The following NAV3 variants were observed in gnomAD, a reference collection of about 807,000 sequenced individuals.
The protein encoded by NAV3 is neuron navigator 3.
NAV3 carries 87 observed loss-of-function variants against 244.7 expected under a neutral mutation model. That is an observed-to-expected ratio of 0.36 (90% CI 0.30 to 0.42). NAV3 has a LOEUF of 0.42. Among genes scored for constraint, NAV3 ranks in the 20% least tolerant of loss-of-function variants. The pLI is 1.00. For synonymous variants in NAV3, 1,126 were observed against 1,042.2 expected, an observed-to-expected ratio of 1.08 and a Z score of -1.55; for missense variants, 2,663 against 2,893.3, an observed-to-expected ratio of 0.92 and a Z score of 1.83.
intron 2 of NAV3, among the ~76,000 whole-genome samples, chr12:77,712,732 C>A (rs2137257947): frequency 6.6e-6 from 1 of 152,276 alleles, no homozygotes; most frequent in African/African-American, 2.4e-5. Flanking sequence ...CCAACAAATT[C>A]ACTTCTCTCA....
At chr12:77,735,133 GTATT>G (rs1327069670) in intron 2 of NAV3, among the ~76,000 whole-genome samples, 1 of 152,148 alleles carries the variant, frequency 6.6e-6, no homozygotes, top group South Asian at 2.1e-4. Context: ...ATAATTGTAA[GTATT>G]TATGTACAGT....
intron 2 of NAV3, among the ~76,000 whole-genome samples, chr12:77,628,142 A>G (rs1478249465): frequency 3.9e-5 from 6 of 152,346 alleles, no homozygotes; most frequent in East Asian, 3.9e-4. Context: ...CAAAATAGCT[A>G]GAAGACTTAC....
chr12:78,088,319 T>C (rs1953741759), intron 12 of NAV3, among the ~76,000 whole-genome samples: 1 of 152,080 alleles, frequency 6.6e-6, no homozygotes. Context: ...CATTCAATTA[T>C]TGTCTTTTCC....
intron 2 of NAV3, among the ~76,000 whole-genome samples, chr12:77,631,896 T>A (rs1385287771): frequency 2.0e-5 from 3 of 152,200 alleles, no homozygotes; most frequent in Non-Finnish European, 4.4e-5. Flanking sequence ...ATGTACTGTT[T>A]GCCTAAATAA....
rs745433658 is a variant in NAV3 at position 78,049,985 on chromosome 12, T to C, written c.2024-8T>C. On this transcript the variant is annotated splice_region_variant and splice_polypyrimidine_tract_variant and intron_variant, in intron 9 of 39. Coordinates refer to ENST00000397909, the MANE Select transcript of NAV3 (RefSeq NM_001024383.2). The stretch of plus-strand genomic sequence containing the variant: ...ATGAATAGCAAATTTATCATATTGC[T>C]TTCCTAGGTGAAGACCCTGAAACAA... 2.6e-5 allele frequency: 42 copies of C among 1,591,338 alleles called. No homozygotes were observed. The highest frequency in any genetic ancestry group is 1.3e-5 in the Non-Finnish European group (15 of 1,169,776).
intron 2 of NAV3, among the ~76,000 whole-genome samples, chr12:77,806,009 GGTA>G (rs778735175): frequency 1.3e-5 from 2 of 151,978 alleles, no homozygotes; most frequent in African/African-American, 2.4e-5. Flanking sequence ...GATCAGTTGT[GGTA>G]TCCCCTTTAT....
At chr12:78,047,421 A>G (rs1566058876) in intron 9 of NAV3, among the ~76,000 whole-genome samples, 1 of 152,150 alleles carries the variant, frequency 6.6e-6, no homozygotes, top group Non-Finnish European at 1.5e-5. Context: ...CGGGAGGCGG[A>G]GCTTGCAGTG....
At chr12:77,624,023 T>C (rs1871502965) in intron 2 of NAV3, among the ~76,000 whole-genome samples, 2 of 152,148 alleles carry the variant, frequency 1.3e-5, no homozygotes. Flanking sequence ...CATACAATAA[T>C]GTCAAGGGAA....
intron 12 of NAV3, among the ~76,000 whole-genome samples, chr12:78,105,008 T>G (rs181327235): frequency 6.3e-4 from 96 of 152,256 alleles, no homozygotes; most frequent in Admixed American, 6.2e-3. Flanking sequence ...TTGTTTAGGA[T>G]AGATTCCTAG....
At chr12:77,865,124 G>T (rs902647528) in intron 1 of NAV3, among the ~76,000 whole-genome samples, 8 of 152,140 alleles carry the variant, frequency 5.3e-5, no homozygotes, top group Middle Eastern at 3.4e-3. Context: ...TAAATAGTGG[G>T]TGAGGGAATC....
At chr12:77,850,641 A>T (rs1440308648) in intron 1 of NAV3, among the ~76,000 whole-genome samples, 1 of 152,100 alleles carries the variant, frequency 6.6e-6, no homozygotes, top group Non-Finnish European at 1.5e-5. Context: ...TCAAGGTCAA[A>T]TTTCTTTTCA....
intron 12 of NAV3, among the ~76,000 whole-genome samples, chr12:78,096,100 A>G (rs381430): frequency 0.056 from 8,482 of 152,310 alleles, 282 homozygotes; most frequent in Admixed American, 0.077. Context: ...AAGACAGAGT[A>G]GTATTAGATT....
chr12:78,117,052 C>A, intron 13 of NAV3, 148 bp downstream of exon 13: 1 of 846,836 alleles, frequency 1.2e-6, no homozygotes, highest in Non-Finnish European at 1.7e-6. Context: ...CTCCCTTTGC[C>A]ACTCCTGAAC....
chr12:78,129,671 C>T (rs2595030), intron 18 of NAV3, among the ~76,000 whole-genome samples: 93,092 of 151,926 alleles, frequency 0.61, 28,792 homozygotes, highest in Admixed American at 0.64. Flanking sequence ...ATAAAGTATT[C>T]TCATTATTTT....
chr12:77,707,065 CTTTCTTTCTTTT>C (rs1259113966), intron 2 of NAV3, among the ~76,000 whole-genome samples: 1 of 150,416 alleles, frequency 6.6e-6, no homozygotes, highest in Non-Finnish European at 1.5e-5. Context: ...TTCTTTCTTT[CTTTCTTTCTTTT>C]TTTTTAATTA....
intron 24 of NAV3, 84 bp from the exon 25 acceptor site, chr12:78,175,222 C>T (rs2139643818): frequency 6.9e-7 from 1 of 1,457,696 alleles, no homozygotes; most frequent in Non-Finnish European, 9.4e-7. Flanking sequence ...TATTAGAGAA[C>T]TGCCTCTCAA....
chr12:77,969,770 G>A (rs1892840400), intron 5 of NAV3, among the ~76,000 whole-genome samples: 1 of 152,110 alleles, frequency 6.6e-6, no homozygotes, highest in Non-Finnish European at 1.5e-5. Flanking sequence ...CTTGAACCAG[G>A]GAGGCAGAGG....
chr12:78,147,716 T>G (rs1021525622), intron 21 of NAV3, among the ~76,000 whole-genome samples: 1 of 151,906 alleles, frequency 6.6e-6, no homozygotes, highest in African/African-American at 2.4e-5. Flanking sequence ...AGTGTTTGAG[T>G]TGACCACCAT....
chr12:77,639,652 A>G (rs755246327), intron 2 of NAV3, among the ~76,000 whole-genome samples: 18 of 152,320 alleles, frequency 1.2e-4, no homozygotes, highest in Admixed American at 3.3e-4. Context: ...AGTGTTGGCT[A>G]TAGAAAGACA....
Sources: allele counts gnomAD v4.1 joint callset (sites outside exome capture counted in the v4.1 genomes callset), GRCh38; gene constraint gnomAD v4.1.1; transcripts MANE v1.5; gene names NCBI Gene and HGNC (gene_info 2026-07-23, HGNC 2026-07-21).